The following LRRC17 variants were observed in gnomAD, a reference collection of about 807,000 sequenced individuals.
LRRC17 encodes leucine rich repeat containing 17.
Under a neutral mutation model 41.5 loss-of-function variants are expected in LRRC17, and 33 were observed. The ratio of observed to expected loss-of-function variants is 0.80; its 90% CI spans 0.60 to 1.06. The LOEUF (loss-of-function observed/expected upper bound fraction) is 1.06, where lower values mean the gene tolerates loss of function less well. LRRC17 is among the 50% of genes least tolerant of loss of function. The pLI is 0.00. For synonymous variants in LRRC17, 192 were observed against 197.0 expected (o/e 0.97, Z 0.21); for missense variants, 491 against 519.3 (o/e 0.95, Z 0.53).
chr7:102,918,742 T>C (rs1816398114), intron 1 of LRRC17, among the ~76,000 whole-genome samples: 2 of 152,144 alleles, frequency 1.3e-5, no homozygotes, highest in Non-Finnish European at 2.9e-5. Flanking sequence ...GTAGCCTGGG[T>C]GAAAGAGCAA....
intron 1 of LRRC17, chr7:102,926,230 G>A (rs1818104853): frequency 1.3e-6 from 2 of 1,543,510 alleles, no homozygotes; most frequent in Non-Finnish European, 1.8e-6. Flanking sequence ...GAGACTTTGG[G>A]AGCATAATTT....
chr7:102,927,144 T>C (rs1256827953), intron 1 of LRRC17, among the ~76,000 whole-genome samples: 2 of 152,198 alleles, frequency 1.3e-5, no homozygotes, highest in Admixed American at 1.3e-4. Context: ...CCAGATGAAT[T>C]GCAAGCTTTG....
intron 1 of LRRC17, among the ~76,000 whole-genome samples, chr7:102,916,086 T>C (rs1815813173): frequency 6.6e-6 from 1 of 151,802 alleles, no homozygotes; most frequent in Non-Finnish European, 1.5e-5. Context: ...CAGGCTCAAG[T>C]GATTCTCCTG....
In LRRC17 at chr7:102,933,752, T is replaced by C. The variant is rs184111764; in HGVS notation, c.-140-22T>C. Reference sequence around the variant, plus strand: ...GCTTGCAATGGGCCTTAATTTTTAATATATATTTTTTTCTCTTCCAGCCTA... The same window carrying C: ...GCTTGCAATGGGCCTTAATTTTTAACATATATTTTTTTCTCTTCCAGCCTA... On this transcript the variant is annotated intron_variant, in intron 1 of 3. Transcript: ENST00000339431. The C allele has an allele frequency of 8.1e-5, 52 of 640,740 alleles. No homozygotes were observed. In the East Asian group the frequency reaches 1.5e-3, roughly 19 times the overall value. The allele number at this position is 640,740 out of a possible 1,614,324, so 39.7% of individuals were successfully genotyped here. A position where few individuals can be genotyped will look rare whatever the true frequency, so the allele number is the denominator to read the frequency against.
chr7:102,944,680 G>C lies in LRRC17; in HGVS notation c.*73G>C, dbSNP rs1402054905. On this transcript the variant is annotated 3_prime_UTR_variant, in exon 4 of 4. Transcript: ENST00000339431. ...TGTTAGAAAACATATGTTTACATTTGATTAACTGTGTTGCCTATTTATGCA... is the reference window on the plus strand; with the variant it reads ...TGTTAGAAAACATATGTTTACATTTCATTAACTGTGTTGCCTATTTATGCA... The C allele has an allele frequency of 1.5e-6, 2 of 1,346,880 alleles. No homozygotes were observed. The allele number at this position is 1,346,880 out of a possible 1,614,324, so 83.4% of individuals were successfully genotyped here. A position where few individuals can be genotyped will look rare whatever the true frequency, so the allele number is the denominator to read the frequency against.
Position 102,914,672 on chromosome 7 carries a change from A to T in LRRC17, c.-141+1527A>T, listed in dbSNP as rs114118356. Among the ~76,000 whole-genome samples the T allele has an allele frequency of 3.7e-3, 566 of 152,286 alleles. 5 individuals are homozygous for T. Among genetic ancestry groups the T allele is most frequent in the African/African-American group, 0.013 (559 of 41,560 alleles). On this transcript the variant is annotated intron_variant, in intron 1 of 3. Transcript: ENST00000339431. ...GCGAATTACTTGATTCAGAACACAC[A>T]TCCCGATCTGGGAAGGGCTGTGTAC... is the stretch of plus-strand genomic sequence containing the variant.
chr7:102,943,739 GGAA>G (rs1180220662), intron 3 of LRRC17, among the ~76,000 whole-genome samples: 2 of 152,128 alleles, frequency 1.3e-5, no homozygotes, highest in Non-Finnish European at 2.9e-5. Context: ...GAATCCTTAA[GGAA>G]GAAGATTTGA....
chr7:102,926,488 G>T, intron 1 of LRRC17: 1 of 726,842 alleles, frequency 1.4e-6, no homozygotes, highest in Non-Finnish European at 2.2e-6. Flanking sequence ...TGTAAGAGTT[G>T]GTTTCTTCAT....
chr7:102,935,340 C>T (rs113508717), intron 2 of LRRC17, among the ~76,000 whole-genome samples: 5,176 of 145,652 alleles, frequency 0.036, 270 homozygotes, highest in African/African-American at 0.12. Flanking sequence ...CAACCTCCAC[C>T]TCCCGGGTTC....
chr7:102,930,195 T>C (rs1334487001), intron 1 of LRRC17, among the ~76,000 whole-genome samples: 1 of 151,918 alleles, frequency 6.6e-6, no homozygotes, highest in Non-Finnish European at 1.5e-5. Context: ...GGCTGAGAGG[T>C]AGCAGGGAGG....
Position 102,934,042 on chromosome 7 carries a change from C to G in LRRC17, c.129C>G (p.Asn43Lys), listed in dbSNP as rs1233735469. Reference sequence around the variant, plus strand: ...CGGGTGGAGGCCGGAGAGGCTCCAACCCGGTCAAACGCTACGCACCAGGCC... The same window carrying G: ...CGGGTGGAGGCCGGAGAGGCTCCAAGCCGGTCAAACGCTACGCACCAGGCC... ...GRAGGGRRGS[N>K]PVKRYAPGLP... Residue 43 changes from asparagine (N) to lysine (K), a missense_variant, in exon 2 of 4, where the codon AAC becomes AAG. By Grantham distance (94) the Asn-to-Lys change is moderately conservative (BLOSUM62 0). Transcript: ENST00000339431. 2 of 1,613,966 alleles carry G rather than the reference C, an allele frequency of 1.2e-6. No individual in the cohort carries two copies. The highest frequency in any genetic ancestry group is 2.2e-5 in the East Asian group (1 of 44,894).
chr7:102,939,850 A>C (rs1821053383), intron 3 of LRRC17, among the ~76,000 whole-genome samples: 1 of 152,150 alleles, frequency 6.6e-6, no homozygotes. Flanking sequence ...TAGATTTTTA[A>C]AGTAATATAT....
At position 102,925,856 on chromosome 7, in the gene LRRC17, G is replaced by A. The variant is rs148002164; in HGVS notation, c.-140-7918G>A. On this transcript the variant is annotated intron_variant, in intron 1 of 3. Coordinates refer to ENST00000339431, the MANE Select transcript of LRRC17 (RefSeq NM_001031692.3). ...CTCAGGAGGCTGACGCATGAGAATC[G>A]CTTGGACCCGGGAGGCGTAGGTTGC... Among the ~76,000 whole-genome samples, 47 of 151,258 alleles carry A rather than the reference G, an allele frequency of 3.1e-4. No homozygotes were observed. The East Asian group carries it at 6.9e-3, about 22-fold the overall frequency.
intron 1 of LRRC17, among the ~76,000 whole-genome samples, chr7:102,921,511 C>T (rs925109194): frequency 6.6e-6 from 1 of 151,570 alleles, no homozygotes; most frequent in African/African-American, 2.4e-5. Flanking sequence ...GAAACCCTGT[C>T]TCTACTAAAA....
At chr7:102,922,345 A>G (rs2129471060) in intron 1 of LRRC17, among the ~76,000 whole-genome samples, 1 of 151,992 alleles carries the variant, frequency 6.6e-6, no homozygotes, top group African/African-American at 2.4e-5. Flanking sequence ...TCATGACCAT[A>G]TTTTTTTTAT....
chr7:102,944,597 T>A lies in LRRC17; in HGVS notation c.1316T>A (p.Ile439Lys), dbSNP rs527699665. The A allele has an allele frequency of 2.5e-6, 4 of 1,599,442 alleles. No homozygotes were observed. In the African/African-American group the frequency reaches 5.4e-5, roughly 22 times the overall value. The stretch of plus-strand genomic sequence containing the variant: ...AAGAAGCAAAGCGTAATAATTACTA[T>A]AGTAGGATAAGGTAGAAATTGTTCT... ...TAKKQSVIIT[I>K]VG Residue 439 changes from isoleucine (I) to lysine (K), a missense_variant, in exon 4 of 4, where the codon ATA becomes AAA. Transcript: ENST00000339431.
At chr7:102,943,667 C>A (rs1351847324) in intron 3 of LRRC17, among the ~76,000 whole-genome samples, 1 of 152,176 alleles carries the variant, frequency 6.6e-6, no homozygotes, top group Non-Finnish European at 1.5e-5. Context: ...ACAGGAATCT[C>A]ATCCCTGTGT....
At chr7:102,921,307 A>G (rs1391053220) in intron 1 of LRRC17, among the ~76,000 whole-genome samples, 1 of 152,258 alleles carries the variant, frequency 6.6e-6, no homozygotes, top group Non-Finnish European at 1.5e-5. Context: ...GCTTGATCAT[A>G]ATAGGCAACT....
intron 1 of LRRC17, among the ~76,000 whole-genome samples, chr7:102,925,410 G>T (rs1817928650): frequency 6.6e-6 from 1 of 151,988 alleles, no homozygotes; most frequent in South Asian, 2.1e-4. Context: ...AAACTAAAAA[G>T]AAAAATTTTT....
Sources: gnomAD v4.1 joint callset for allele counts (sites outside exome capture counted in the v4.1 genomes callset) on GRCh38, gnomAD v4.1.1 for gene constraint, MANE v1.5 for transcripts, NCBI Gene and HGNC (gene_info 2026-07-23, HGNC 2026-07-21) for gene names.